Variants in CCDC81 observed in about 807,000 individuals in gnomAD.
CCDC81 encodes coiled-coil domain-containing protein 81.
Under a neutral mutation model 83.7 loss-of-function variants are expected in CCDC81, and 79 were observed. The ratio of observed to expected loss-of-function variants is 0.94; its 90% CI spans 0.79 to 1.14. The LOEUF (loss-of-function observed/expected upper bound fraction) is 1.14, where lower values mean the gene tolerates loss of function less well. Ranked by LOEUF, CCDC81 falls within the 50% of genes most tolerant of loss-of-function variation. CCDC81 has a pLI of 0.00. For missense variants in CCDC81, 791 were observed against 778.1 expected (o/e 1.02, Z -0.20); for synonymous variants, 252 against 278.1 (o/e 0.91, Z 0.93).
At chr11:86,417,250 A>AG (rs1201914356) in intron 13 of CCDC81, among the ~76,000 whole-genome samples, 1 of 151,598 alleles carries the variant, frequency 6.6e-6, no homozygotes, top group East Asian at 1.9e-4. Context: ...AAAAAAAAAA[A>AG]AGGTTAATAA....
chr11:86,377,759 G>A (rs537941861), intron 1 of CCDC81, among the ~76,000 whole-genome samples: 4 of 152,184 alleles, frequency 2.6e-5, no homozygotes, highest in Non-Finnish European at 5.9e-5. Flanking sequence ...CAGAGCAGAA[G>A]TTTTAAATTT....
chr11:86,417,942 A>G (rs950087917), intron 13 of CCDC81, among the ~76,000 whole-genome samples: 7 of 152,100 alleles, frequency 4.6e-5, no homozygotes, highest in African/African-American at 1.7e-4. Flanking sequence ...ATATTACCAG[A>G]AACTGACAGT....
rs1948352613 is a variant in CCDC81, at chr11:86,392,856, T to C, written c.555+59T>C. ...CCTAATTGTGGTTCTGACTCATCTA[T>C]AGGTGTGTTGTAATTAAGAAAAACG... On this transcript the variant is annotated intron_variant, in intron 4 of 14. Coordinates refer to ENST00000445632, the MANE Select transcript of CCDC81 (RefSeq NM_001156474.2). 8 of 1,493,428 alleles carry C rather than the reference T, an allele frequency of 5.4e-6. No individual in the cohort carries two copies. In the African/African-American group the frequency reaches 5.6e-5, roughly 11 times the overall value. 92.5% of individuals were successfully genotyped at this position (1,493,428 alleles called of 1,614,324 possible).
intron 6 of CCDC81, 33 bp downstream of exon 6, chr11:86,397,775 C>T (rs1565763231): frequency 6.2e-7 from 1 of 1,600,566 alleles, no homozygotes; most frequent in South Asian, 1.1e-5. Context: ...CAATCTGTCA[C>T]TCTTTACTGC....
In CCDC81 at chr11:86,388,501, G is replaced by A. The variant is rs1472363064; in HGVS notation, c.298+829G>A. 5.3e-5 allele frequency among the ~76,000 whole-genome samples: 8 copies of A among 152,204 alleles called. 1 individual carries two copies. The South Asian group carries it at 1.7e-3, about 32-fold the overall frequency. On this transcript the variant is annotated intron_variant, in intron 3 of 14. Transcript: ENST00000445632. ...GGATAAATGGAGACAATCTATCTCC[G>A]ATGGCAACAGGTGAAAAGGCTGAAA...
chr11:86,398,207 GCTTA>G (rs1948436907), intron 6 of CCDC81, among the ~76,000 whole-genome samples: 1 of 152,036 alleles, frequency 6.6e-6, no homozygotes, highest in Admixed American at 6.6e-5. Context: ...TTAATTATGA[GCTTA>G]CTTACTTTAT....
intron 10 of CCDC81, among the ~76,000 whole-genome samples, chr11:86,410,564 G>A (rs1438834711): frequency 6.6e-6 from 1 of 152,172 alleles, no homozygotes; most frequent in Non-Finnish European, 1.5e-5. Flanking sequence ...AACAGGGAAG[G>A]AAGGAGAGAG....
intron 1 of CCDC81, among the ~76,000 whole-genome samples, chr11:86,381,031 C>T (rs1303879087): frequency 6.6e-6 from 1 of 151,774 alleles, no homozygotes; most frequent in Non-Finnish European, 1.5e-5. Flanking sequence ...GTAAAAGTAA[C>T]TGCTATAAAT....
intron 4 of CCDC81, among the ~76,000 whole-genome samples, chr11:86,393,155 C>T (rs1031076252): frequency 1.3e-5 from 2 of 152,130 alleles, no homozygotes; most frequent in Non-Finnish European, 2.9e-5. Flanking sequence ...CTCCACATGC[C>T]GGGTTTGAGT....
At chr11:86,377,674 G>C (rs1948116042) in intron 1 of CCDC81, among the ~76,000 whole-genome samples, 1 of 151,964 alleles carries the variant, frequency 6.6e-6, no homozygotes, top group Non-Finnish European at 1.5e-5. Flanking sequence ...TGTATATTTT[G>C]CATGACAGTG....
At chr11:86,390,191 C>T (rs1221030887) in intron 3 of CCDC81, among the ~76,000 whole-genome samples, 5 of 152,170 alleles carry the variant, frequency 3.3e-5, no homozygotes, top group Admixed American at 6.5e-5. Context: ...CTATGACGCC[C>T]GGAGGACAGC....
chr11:86,383,737 A>T (rs1948203696), intron 1 of CCDC81, among the ~76,000 whole-genome samples: 1 of 152,192 alleles, frequency 6.6e-6, no homozygotes, highest in African/African-American at 2.4e-5. Flanking sequence ...ACTCTTTGGG[A>T]TGTCAGAAAA....
intron 7 of CCDC81, among the ~76,000 whole-genome samples, chr11:86,404,859 A>C (rs1446643682): frequency 1.3e-5 from 2 of 152,148 alleles, no homozygotes; most frequent in Non-Finnish European, 2.9e-5. Flanking sequence ...ACTTTTTCCA[A>C]ATGAATAGAG....
At chr11:86,386,833 T>C (rs1948247848) in intron 2 of CCDC81, among the ~76,000 whole-genome samples, 1 of 152,224 alleles carries the variant, frequency 6.6e-6, no homozygotes, top group Admixed American at 6.5e-5. Flanking sequence ...TAGTCTTCCA[T>C]TGCTACGTGG....
chr11:86,418,893 C>T (rs1025008477), intron 13 of CCDC81, among the ~76,000 whole-genome samples: 6 of 151,482 alleles, frequency 4.0e-5, no homozygotes, highest in South Asian at 2.1e-4. Context: ...AAAAAATCTA[C>T]GAAAAGAAAA....
chr11:86,388,983 G>GAAT (rs1251676861), intron 3 of CCDC81, among the ~76,000 whole-genome samples: 7 of 152,216 alleles, frequency 4.6e-5, no homozygotes, highest in African/African-American at 1.7e-4. Context: ...TAGTTCAAAA[G>GAAT]AATAATTCTA....
intron 14 of CCDC81, among the ~76,000 whole-genome samples, chr11:86,422,143 ACT>A (rs1036506057): frequency 1.6e-4 from 25 of 152,038 alleles, no homozygotes; most frequent in African/African-American, 6.0e-4. Context: ...AGTCCTCTCA[ACT>A]CTCTGCTGTT....
chr11:86,382,794 G>C (rs1343156050), intron 1 of CCDC81, among the ~76,000 whole-genome samples: 6 of 152,152 alleles, frequency 3.9e-5, no homozygotes, highest in African/African-American at 1.4e-4. Context: ...TGGCCAGACA[G>C]TTAGGAGAAA....
intron 10 of CCDC81, 51 bp downstream of exon 10, chr11:86,409,416 T>C (rs1229122697): frequency 6.8e-6 from 6 of 881,806 alleles, no homozygotes; most frequent in Non-Finnish European, 1.1e-5. Context: ...TCTGTGAGCC[T>C]TTGGATCCAC....
Sources: allele counts gnomAD v4.1 joint callset (sites outside exome capture counted in the v4.1 genomes callset), GRCh38; gene constraint gnomAD v4.1.1; transcripts MANE v1.5; gene names NCBI Gene and HGNC (gene_info 2026-07-23, HGNC 2026-07-21).